The following EML5 variants were observed in gnomAD, a reference collection of about 807,000 sequenced individuals.
The protein encoded by EML5 is echinoderm microtubule-associated protein-like 5.
In EML5, 120 loss-of-function variants were observed where a neutral mutation model predicts 250.0. That is an observed-to-expected ratio of 0.48 (90% CI 0.41 to 0.56). The LOEUF is 0.56. Ranked by LOEUF, EML5 falls within the 20% of genes least tolerant of loss-of-function variation. EML5 has a pLI of 0.00. For missense variants in EML5, 2,006 were observed against 2,437.6 expected (o/e 0.82, Z 3.73); for synonymous variants, 771 against 806.5 (o/e 0.96, Z 0.75).
At chr14:88,732,620 G>C (rs1264376274) in intron 7 of EML5, among the ~76,000 whole-genome samples, 1 of 152,134 alleles carries the variant, frequency 6.6e-6, no homozygotes, top group African/African-American at 2.4e-5. Flanking sequence ...AGCTTGATGG[G>C]GATGGCATTG....
chr14:88,673,078 C>G (rs989554871), intron 21 of EML5, among the ~76,000 whole-genome samples: 1 of 151,614 alleles, frequency 6.6e-6, no homozygotes, highest in Non-Finnish European at 1.5e-5. Flanking sequence ...GGCAGAGATG[C>G]AACAAAAAAA....
intron 1 of EML5, among the ~76,000 whole-genome samples, chr14:88,781,487 T>C (rs1389883094): frequency 6.6e-6 from 1 of 152,238 alleles, no homozygotes; most frequent in Non-Finnish European, 1.5e-5. Context: ...CTAATTATAA[T>C]TACTAAAAAT....
At chr14:88,730,849 A>C (rs563928077) in intron 7 of EML5, among the ~76,000 whole-genome samples, 93 of 152,204 alleles carry the variant, frequency 6.1e-4, no homozygotes, top group Non-Finnish European at 1.1e-3. Flanking sequence ...AAATGGCTTA[A>C]AGAAATTTAC....
intron 2 of EML5, 120 bp from the exon 3 acceptor site, chr14:88,746,403 C>T (rs752425340): frequency 1.8e-4 from 135 of 755,084 alleles, no homozygotes; most frequent in Non-Finnish European, 2.7e-4. Flanking sequence ...AACATATATG[C>T]CTATATTTTA....
At position 88,705,606 on chromosome 14, in the gene EML5, G is replaced by T; in HGVS notation, c.1826-18C>A. The T allele has an allele frequency of 6.6e-7, 1 of 1,519,042 alleles. No individual in the cohort carries two copies. The highest frequency in any genetic ancestry group is 1.2e-5 in the South Asian group (1 of 83,580). 94.1% of individuals were successfully genotyped at this position (1,519,042 alleles called of 1,614,324 possible). On this transcript the variant is annotated intron_variant, in intron 11 of 43. Transcript: ENST00000554922. ...CAGACTTTCTGTAATTTTTAAAAAT[G>T]AAATGTTACTTGTTTAAAGAAGATT...
intron 7 of EML5, among the ~76,000 whole-genome samples, chr14:88,728,460 T>C (rs1050928329): frequency 7.2e-5 from 11 of 152,332 alleles, no homozygotes; most frequent in Non-Finnish European, 1.6e-4. Flanking sequence ...ACATACACTT[T>C]GTGCATTATA....
intron 35 of EML5, 101 bp from the exon 36 acceptor site, chr14:88,625,228 T>G: frequency 7.4e-7 from 1 of 1,356,928 alleles, no homozygotes; most frequent in Admixed American, 2.2e-5. Flanking sequence ...TCACCCTTGA[T>G]ACAAAGAGCA....
At chr14:88,723,369 C>T (rs1280582385) in intron 8 of EML5, among the ~76,000 whole-genome samples, 1 of 152,166 alleles carries the variant, frequency 6.6e-6, no homozygotes, top group East Asian at 1.9e-4. Flanking sequence ...ACAGATACTG[C>T]ATGATCTTGC....
At chr14:88,631,049 A>G (rs1410753922) in intron 33 of EML5, among the ~76,000 whole-genome samples, 1 of 152,212 alleles carries the variant, frequency 6.6e-6, no homozygotes, top group Non-Finnish European at 1.5e-5. Flanking sequence ...ACTGCCTGTC[A>G]CTACAAATAC....
chr14:88,628,661 A>T (rs1196489814), intron 33 of EML5, among the ~76,000 whole-genome samples: 1 of 152,110 alleles, frequency 6.6e-6, no homozygotes, highest in Non-Finnish European at 1.5e-5. Context: ...TAAATGTTTT[A>T]AAAATAGAGA....
At chr14:88,705,259 T>G (rs1381398085) in intron 12 of EML5, among the ~76,000 whole-genome samples, 1 of 151,930 alleles carries the variant, frequency 6.6e-6, no homozygotes, top group Non-Finnish European at 1.5e-5. Context: ...TATGACAAAA[T>G]CCTATAGGCA....
At chr14:88,741,954 T>C (rs186985087) in intron 4 of EML5, among the ~76,000 whole-genome samples, 111 of 152,318 alleles carry the variant, frequency 7.3e-4, no homozygotes, top group African/African-American at 2.5e-3. Context: ...ATTTTTAAAC[T>C]TAAAATCTCC....
intron 1 of EML5, among the ~76,000 whole-genome samples, chr14:88,778,684 C>T (rs535525292): frequency 6.6e-6 from 1 of 152,188 alleles, no homozygotes; most frequent in African/African-American, 2.4e-5. Flanking sequence ...GAGGCTGAGG[C>T]AGAGGAATCA....
chr14:88,747,621 T>G (rs1349649132), intron 2 of EML5, among the ~76,000 whole-genome samples: 1 of 152,014 alleles, frequency 6.6e-6, no homozygotes, highest in African/African-American at 2.4e-5. Flanking sequence ...AAATTAAGGA[T>G]TCAAAATATC....
chr14:88,694,945 CT>C (rs2141329737), intron 16 of EML5, among the ~76,000 whole-genome samples: 1 of 152,076 alleles, frequency 6.6e-6, no homozygotes, highest in African/African-American at 2.4e-5. Flanking sequence ...CTGTAGAAAA[CT>C]TAGAAAATGA....
At chr14:88,739,827 G>A (rs2093898762) in intron 5 of EML5, among the ~76,000 whole-genome samples, 1 of 152,044 alleles carries the variant, frequency 6.6e-6, no homozygotes, top group African/African-American at 2.4e-5. Flanking sequence ...AAAGAAAAGG[G>A]TAGGAAAACC....
At chr14:88,766,095 T>C (rs1384881125) in intron 1 of EML5, among the ~76,000 whole-genome samples, 1 of 152,236 alleles carries the variant, frequency 6.6e-6, no homozygotes, top group Non-Finnish European at 1.5e-5. Context: ...CTGTCTTTAC[T>C]TTAATCTCTT....
chr14:88,618,081 A>G, intron 41 of EML5, 147 bp downstream of exon 41: 2 of 526,520 alleles, frequency 3.8e-6, no homozygotes, highest in Non-Finnish European at 6.6e-6. Context: ...AGGGGTCCCA[A>G]CATGAACATA....
chr14:88,784,410 A>G (rs1292624080), intron 1 of EML5, among the ~76,000 whole-genome samples: 2 of 151,538 alleles, frequency 1.3e-5, no homozygotes, highest in Non-Finnish European at 3.0e-5. Flanking sequence ...CACATTAAGA[A>G]AAAAAAAACA....
Sources: allele counts gnomAD v4.1 joint callset (sites outside exome capture counted in the v4.1 genomes callset), GRCh38; gene constraint gnomAD v4.1.1; transcripts MANE v1.5; gene names NCBI Gene and HGNC (gene_info 2026-07-23, HGNC 2026-07-21).